Variants in PALM2AKAP2 observed in about 807,000 individuals in gnomAD.
The protein encoded by PALM2AKAP2 is PALM2 and AKAP2 fusion.
A neutral mutation model predicts 71.5 loss-of-function variants in PALM2AKAP2; 37 were observed. The ratio of observed to expected loss-of-function variants is 0.52; its 90% CI spans 0.40 to 0.68. PALM2AKAP2 has a LOEUF of 0.68. PALM2AKAP2 is among the 30% of genes least tolerant of loss of function. PALM2AKAP2 has a pLI of 0.00. For synonymous variants in PALM2AKAP2, 468 were observed against 478.8 expected (o/e 0.98, Z 0.29); for missense variants, 1,224 against 1,191.8 (o/e 1.03, Z -0.40).
intron 1 of PALM2AKAP2, among the ~76,000 whole-genome samples, chr9:109,828,695 AAAG>A (rs1479725017): frequency 2.6e-5 from 4 of 152,266 alleles, no homozygotes; most frequent in Admixed American, 1.3e-4. Context: ...TTTCTTTCAC[AAAG>A]AAGATGAGTT....
chr9:109,677,016 C>T lies in PALM2AKAP2; in HGVS notation c.5+36150C>T, dbSNP rs989183543. Reference sequence around the variant, plus strand: ...CCATGAGTTGAGTGCATGAGAGGGCCGAAATAAGGGTCACAAAAGTCTTTC... The same window carrying T: ...CCATGAGTTGAGTGCATGAGAGGGCTGAAATAAGGGTCACAAAAGTCTTTC... On this transcript the variant is annotated intron_variant, in intron 1 of 6. Transcript: ENST00000374531. Among the ~76,000 whole-genome samples the T allele has an allele frequency of 3.3e-5, 5 of 151,726 alleles. No homozygotes were observed. In the South Asian group the frequency reaches 8.3e-4, roughly 25 times the overall value.
At chr9:109,983,220 G>A (rs1488173655) in intron 6 of PALM2AKAP2, among the ~76,000 whole-genome samples, 1 of 152,192 alleles carries the variant, frequency 6.6e-6, no homozygotes, top group Non-Finnish European at 1.5e-5. Flanking sequence ...AACCTAAATT[G>A]TTTTCCTTGA....
At chr9:109,924,416 G>A (rs966243392) in intron 4 of PALM2AKAP2, among the ~76,000 whole-genome samples, 14 of 152,198 alleles carry the variant, frequency 9.2e-5, no homozygotes, top group Middle Eastern at 3.4e-3. Flanking sequence ...GGCTAACGTG[G>A]TGAAACCCTG....
chr9:110,028,642 A>G (rs916848672), intron 7 of PALM2AKAP2, among the ~76,000 whole-genome samples: 2 of 152,164 alleles, frequency 1.3e-5, no homozygotes, highest in African/African-American at 2.4e-5. Flanking sequence ...GGGTTTTAAT[A>G]AGTGCAGGTT....
chr9:110,049,139 C>A (rs895851993), intron 1 of PALM2AKAP2, among the ~76,000 whole-genome samples: 1 of 152,170 alleles, frequency 6.6e-6, no homozygotes, highest in African/African-American at 2.4e-5. Flanking sequence ...GCTTTAAAAA[C>A]TAAACGCAGG....
chr9:109,902,743 G>A (rs1187970949), intron 3 of PALM2AKAP2, among the ~76,000 whole-genome samples: 2 of 152,178 alleles, frequency 1.3e-5, no homozygotes, highest in Non-Finnish European at 2.9e-5. Context: ...GACATTTACT[G>A]TGCCCTTGGC....
intron 1 of PALM2AKAP2, among the ~76,000 whole-genome samples, chr9:109,809,674 G>C (rs1199649577): frequency 6.6e-6 from 1 of 152,194 alleles, no homozygotes; most frequent in Non-Finnish European, 1.5e-5. Context: ...TGACATGTGA[G>C]GACCTGAGAT....
chr9:110,006,358 C>CTTTCTTTCTT (rs1554736944), intron 6 of PALM2AKAP2, among the ~76,000 whole-genome samples: 11 of 126,868 alleles, frequency 8.7e-5, no homozygotes, highest in African/African-American at 3.3e-4. Flanking sequence ...TTCTTTCTTT[C>CTTTCTTTCTT]TTTCTTTCTT....
At chr9:109,989,535 C>T (rs752344648) in intron 6 of PALM2AKAP2, among the ~76,000 whole-genome samples, 37 of 152,182 alleles carry the variant, frequency 2.4e-4, no homozygotes, top group Non-Finnish European at 4.9e-4. Context: ...GAGTGATGGG[C>T]CTCAACCACA....
intron 1 of PALM2AKAP2, among the ~76,000 whole-genome samples, chr9:109,745,397 A>T (rs10980022): frequency 6.6e-6 from 1 of 151,840 alleles, no homozygotes; most frequent in African/African-American, 2.4e-5. Context: ...CCAGGCTCTC[A>T]TTTCTTCTGA....
chr9:109,693,795 T>C (rs1176474544), intron 1 of PALM2AKAP2, among the ~76,000 whole-genome samples: 7 of 152,086 alleles, frequency 4.6e-5, no homozygotes, highest in Non-Finnish European at 1.0e-4. Context: ...AATTCCATTG[T>C]GGTAAAATTT....
At chr9:110,024,579 T>C (rs758362471) in intron 7 of PALM2AKAP2, among the ~76,000 whole-genome samples, 11 of 152,098 alleles carry the variant, frequency 7.2e-5, no homozygotes, top group East Asian at 5.8e-4. Context: ...AGCCCAGGAG[T>C]TGGAGACCAG....
chr9:109,797,294 G>A (rs942869635), intron 1 of PALM2AKAP2, among the ~76,000 whole-genome samples: 1 of 152,168 alleles, frequency 6.6e-6, no homozygotes, highest in African/African-American at 2.4e-5. Flanking sequence ...GAGAGAGGGA[G>A]GTTGGCACAT....
At chr9:110,046,654 G>A (rs1246468578), upstream of PALM2AKAP2, among the ~76,000 whole-genome samples, 2 of 152,012 alleles carry the variant, frequency 1.3e-5, no homozygotes, top group African/African-American at 4.8e-5. Flanking sequence ...TTTTAGTAGA[G>A]ACGAGGTTTC....
At chr9:110,053,838 C>T (rs1342714434) in intron 1 of PALM2AKAP2, among the ~76,000 whole-genome samples, 2 of 152,176 alleles carry the variant, frequency 1.3e-5, no homozygotes, top group Non-Finnish European at 2.9e-5. Flanking sequence ...ACATGAATGC[C>T]AGGGAAGGAG....
At chr9:109,931,958 C>T (rs775508946) in exon 6 of PALM2AKAP2, 23 of 1,613,948 alleles carry the variant, frequency 1.4e-5, no homozygotes, top group East Asian at 2.2e-5. Context: ...CCCAGCTTCC[C>T]GACCTGCCAA....
At position 110,154,405 on chromosome 9, in the gene PALM2AKAP2, C is replaced by T. The variant is rs116795347; in HGVS notation, c.2570-1914C>T. Among the ~76,000 whole-genome samples, 334 of 152,276 alleles carry T rather than the reference C, an allele frequency of 2.2e-3. 1 individual carries two copies. Among genetic ancestry groups the T allele is most frequent in the African/African-American group, 7.5e-3 (310 of 41,560 alleles). ...TTAAGCCTTCAATTAAAAAGTCAAT[C>T]GGAATTTTCAGAGATACATACTAAG... is the stretch of plus-strand genomic sequence containing the variant. On this transcript the variant is annotated intron_variant, in intron 2 of 3. Transcript: ENST00000374525.
chr9:109,938,309 G>A (rs758687037), intron 6 of PALM2AKAP2, among the ~76,000 whole-genome samples: 4 of 152,164 alleles, frequency 2.6e-5, no homozygotes, highest in African/African-American at 9.7e-5. Flanking sequence ...CCATGAAAAC[G>A]AAATATTGCC....
chr9:110,164,884 G>A (rs16914831), intron 3 of PALM2AKAP2, among the ~76,000 whole-genome samples: 8,252 of 152,002 alleles, frequency 0.054, 599 homozygotes, highest in African/African-American at 0.17. Flanking sequence ...CATTTCCATG[G>A]GGAGTGTTGA....
Sources: gnomAD v4.1 joint callset for allele counts (sites outside exome capture counted in the v4.1 genomes callset) on GRCh38, gnomAD v4.1.1 for gene constraint, MANE v1.5 for transcripts, NCBI Gene and HGNC (gene_info 2026-07-23, HGNC 2026-07-21) for gene names.